The following EXOC4 variants were observed in gnomAD, a reference collection of about 807,000 sequenced individuals.
EXOC4 encodes SEC8-like 1.
EXOC4 carries 71 observed loss-of-function variants against 107.2 expected under a neutral mutation model. That is an observed-to-expected ratio of 0.66 (90% CI 0.55 to 0.81). The LOEUF is 0.81. Among genes scored for constraint, EXOC4 ranks in the 30% least tolerant of loss-of-function variants. The pLI, the probability that EXOC4 is intolerant of heterozygous loss-of-function variation, is 0.00. For synonymous variants in EXOC4, 456 were observed against 441.2 expected (o/e 1.03, Z -0.42); for missense variants, 1,108 against 1,189.6 (o/e 0.93, Z 1.01).
At chr7:134,048,591 C>A (rs1258330115) in intron 17 of EXOC4, among the ~76,000 whole-genome samples, 4 of 152,162 alleles carry the variant, frequency 2.6e-5, no homozygotes, top group Non-Finnish European at 5.9e-5. Flanking sequence ...TTAGGAGGAA[C>A]CTTTGAGTAA....
chr7:133,861,810 A>T (rs1197601205), intron 11 of EXOC4, among the ~76,000 whole-genome samples: 1 of 152,190 alleles, frequency 6.6e-6, no homozygotes, highest in Non-Finnish European at 1.5e-5. Flanking sequence ...CTGGGATTAT[A>T]GGCGTGAGCC....
At chr7:133,806,083 G>A (rs1023183356) in intron 10 of EXOC4, among the ~76,000 whole-genome samples, 1 of 152,176 alleles carries the variant, frequency 6.6e-6, no homozygotes, top group African/African-American at 2.4e-5. Context: ...TTTCACTGGG[G>A]GTGCCTTAGA....
At chr7:133,897,723 T>C (rs536571185) in intron 12 of EXOC4, among the ~76,000 whole-genome samples, 2 of 139,048 alleles carry the variant, frequency 1.4e-5, no homozygotes, top group Non-Finnish European at 3.0e-5. Context: ...AAATTTTTAA[T>C]TGACAAATAA....
At chr7:133,348,339 GGGCTGTGT>G (rs1795832502) in intron 5 of EXOC4, among the ~76,000 whole-genome samples, 1 of 152,116 alleles carries the variant, frequency 6.6e-6, no homozygotes, top group Non-Finnish European at 1.5e-5. Context: ...GTGCCGTTTG[GGGCTGTGT>G]CATTTTATTA....
At chr7:133,516,462 G>A (rs572696302) in intron 9 of EXOC4, among the ~76,000 whole-genome samples, 20 of 152,154 alleles carry the variant, frequency 1.3e-4, no homozygotes, top group Non-Finnish European at 1.9e-4. Flanking sequence ...GTGGTCTTTC[G>A]TGACTGGCTT....
intron 7 of EXOC4, among the ~76,000 whole-genome samples, chr7:133,435,842 G>A (rs529577896): frequency 3.3e-5 from 5 of 152,196 alleles, no homozygotes; most frequent in African/African-American, 9.6e-5. Context: ...AGTTTTTGCC[G>A]TTTATTTTGC....
chr7:133,540,281 A>G (rs1409657947), intron 9 of EXOC4, among the ~76,000 whole-genome samples: 6 of 152,152 alleles, frequency 3.9e-5, no homozygotes, highest in Non-Finnish European at 8.8e-5. Flanking sequence ...AAATGTTGCC[A>G]CTGGATTTCT....
At chr7:133,706,695 C>T (rs1434707292) in intron 10 of EXOC4, among the ~76,000 whole-genome samples, 1 of 152,074 alleles carries the variant, frequency 6.6e-6, no homozygotes, top group Non-Finnish European at 1.5e-5. Flanking sequence ...GTCTTAGAAA[C>T]CCAGTGTGTG....
At chr7:133,428,941 A>G (rs879420849) in intron 7 of EXOC4, among the ~76,000 whole-genome samples, 3 of 152,084 alleles carry the variant, frequency 2.0e-5, no homozygotes, top group Non-Finnish European at 4.4e-5. Context: ...TGTTATACAT[A>G]TGTGTAGATT....
At chr7:133,958,268 CT>C (rs5887652) in intron 14 of EXOC4, among the ~76,000 whole-genome samples, 1 of 150,180 alleles carries the variant, frequency 6.7e-6, no homozygotes, top group Non-Finnish European at 1.5e-5. Flanking sequence ...ATTTCTTTTC[CT>C]TTTTTTTTCT....
intron 8 of EXOC4, among the ~76,000 whole-genome samples, chr7:133,476,979 C>T (rs1463309867): frequency 7.1e-6 from 1 of 140,526 alleles, no homozygotes; most frequent in African/African-American, 2.6e-5. Context: ...GTGATTCTCC[C>T]TGTGAATCTC....
intron 15 of EXOC4, among the ~76,000 whole-genome samples, chr7:134,001,690 T>G (rs1214540438): frequency 1.3e-5 from 2 of 152,176 alleles, no homozygotes. Context: ...CAGGTCTGAT[T>G]ATATTATTCA....
chr7:133,487,704 A>G (rs756457957), intron 9 of EXOC4, among the ~76,000 whole-genome samples: 1 of 152,168 alleles, frequency 6.6e-6, no homozygotes, highest in African/African-American at 2.4e-5. Flanking sequence ...GTGAGACTCC[A>G]TCTCAAAAAA....
At chr7:133,907,449 G>T (rs1259854804) in intron 12 of EXOC4, among the ~76,000 whole-genome samples, 2 of 152,086 alleles carry the variant, frequency 1.3e-5, no homozygotes, top group East Asian at 3.9e-4. Context: ...TACATCCTGG[G>T]TTTTCCATAC....
chr7:134,074,131 C>T, the EXOC4 span, among the ~76,000 whole-genome samples: 1 of 152,208 alleles, frequency 6.6e-6, no homozygotes, highest in Non-Finnish European at 1.5e-5. Context: ...TGTCTCTTCT[C>T]AGCTTTGGGG....
At chr7:133,625,859 A>G (rs1471889000) in intron 9 of EXOC4, among the ~76,000 whole-genome samples, 1 of 152,120 alleles carries the variant, frequency 6.6e-6, no homozygotes, top group East Asian at 1.9e-4. Flanking sequence ...AATGAAGGGA[A>G]GGAGTGCTCT....
chr7:134,059,591 G>T (rs1160744711), intron 17 of EXOC4, among the ~76,000 whole-genome samples: 1 of 152,158 alleles, frequency 6.6e-6, no homozygotes, highest in Non-Finnish European at 1.5e-5. Context: ...CAACTTGGCA[G>T]CATTGTCAAG....
At chr7:134,006,357 C>T (rs1184181822) in intron 16 of EXOC4, among the ~76,000 whole-genome samples, 2 of 136,218 alleles carry the variant, frequency 1.5e-5, no homozygotes, top group Non-Finnish European at 3.3e-5. Context: ...AGAATGACAC[C>T]AAAACTTGGC....
At chr7:133,700,029 C>T (rs983287413) in intron 10 of EXOC4, among the ~76,000 whole-genome samples, 2 of 152,112 alleles carry the variant, frequency 1.3e-5, no homozygotes, top group Non-Finnish European at 2.9e-5. Flanking sequence ...TTATTCAATC[C>T]TATATGCTTT....
Sources: allele counts gnomAD v4.1 joint callset (sites outside exome capture counted in the v4.1 genomes callset), GRCh38; gene constraint gnomAD v4.1.1; transcripts MANE v1.5; gene names NCBI Gene and HGNC (gene_info 2026-07-23, HGNC 2026-07-21).